HAVCR2: variants seen among roughly 807,000 people sequenced by gnomAD.
HAVCR2 encodes T cell immunoglobulin mucin 3.
In HAVCR2, 13 loss-of-function variants were observed where a neutral mutation model predicts 24.7. That is an observed-to-expected ratio of 0.53 (90% CI 0.34 to 0.84). The LOEUF (loss-of-function observed/expected upper bound fraction) is 0.84. HAVCR2 is among the 40% of genes least tolerant of loss of function. The pLI is 0.01. For missense variants in HAVCR2, 343 were observed against 371.2 expected, an observed-to-expected ratio of 0.92 and a Z score of 0.62; for synonymous variants, 154 against 143.4, an observed-to-expected ratio of 1.07 and a Z score of -0.53.
chr5:157,104,243 G>C (rs919744), intron 3 of HAVCR2, among the ~76,000 whole-genome samples: 126,874 of 152,086 alleles, frequency 0.83, 53,049 homozygotes, highest in East Asian at 0.99. Flanking sequence ...TCCAGGGAAG[G>C]TGATGGGCTT....
chr5:157,087,320 A>C, intron 6 of HAVCR2, 26 bp from the exon 7 acceptor site: 1 of 1,582,484 alleles, frequency 6.3e-7, no homozygotes, highest in Non-Finnish European at 8.6e-7. Flanking sequence ...GTTGCGGTTG[A>C]GTTAAGCATT....
intron 1 of HAVCR2, among the ~76,000 whole-genome samples, chr5:157,108,146 T>A (rs578087818): frequency 6.6e-6 from 1 of 152,208 alleles, no homozygotes; most frequent in South Asian, 2.1e-4. Context: ...TGTTTTCATA[T>A]GACTCAACTA....
intron 1 of HAVCR2, 39 bp downstream of exon 1, chr5:157,108,886 GC>G: frequency 6.3e-7 from 1 of 1,594,732 alleles, no homozygotes; most frequent in South Asian, 1.1e-5. Flanking sequence ...CCTCTGTACA[GC>G]ACCATTATGT....
At chr5:157,092,906 A>AG in intron 5 of HAVCR2, among the ~76,000 whole-genome samples, 1 of 115,902 alleles carries the variant, frequency 8.6e-6, no homozygotes, top group African/African-American at 3.3e-5. Context: ...AAAAAAAAAA[A>AG]AAAAAAAAAA....
In HAVCR2 at chr5:157,088,547, G is replaced by GCTGTTTA. The variant is rs1463480871; in HGVS notation, c.713+387_713+393dup. 3.3e-5 allele frequency among the ~76,000 whole-genome samples: 5 copies of GCTGTTTA among 152,276 alleles called. No individual in the cohort carries two copies. In the East Asian group the frequency reaches 9.6e-4, roughly 29 times the overall value. On this transcript the variant is annotated intron_variant, in intron 6 of 6. Transcript: ENST00000307851. ...GGAAACTAAAGTTGAAAATGCCTGG[G>GCTGTTTA]CTGTTTACAGAAATGCTGAGAACAG...
intron 5 of HAVCR2, among the ~76,000 whole-genome samples, chr5:157,090,501 G>A (rs1260564232): frequency 6.6e-6 from 1 of 152,128 alleles, no homozygotes; most frequent in African/African-American, 2.4e-5. Context: ...GGCTGAGGCA[G>A]GAGAGTTGCT....
chr5:157,091,809 G>A (rs1204627881), intron 5 of HAVCR2, among the ~76,000 whole-genome samples: 1 of 152,220 alleles, frequency 6.6e-6, no homozygotes, highest in African/African-American at 2.4e-5. Flanking sequence ...TAGGAGAGGG[G>A]CAAAGAAGTT....
At chr5:157,089,340 C>G (rs540970226) in intron 5 of HAVCR2, among the ~76,000 whole-genome samples, 137 of 152,164 alleles carry the variant, frequency 9.0e-4, no homozygotes, top group African/African-American at 3.2e-3. Context: ...GACCCAAGAC[C>G]AGCCTGACCA....
chr5:157,106,293 G>T (rs976008281), intron 2 of HAVCR2: 5 of 221,966 alleles, frequency 2.3e-5, no homozygotes, highest in African/African-American at 1.2e-4. Context: ...ACCATGCCTG[G>T]CTAATTTTTT....
chr5:157,096,263 G>C (rs1757093526), intron 4 of HAVCR2, among the ~76,000 whole-genome samples: 1 of 148,470 alleles, frequency 6.7e-6, no homozygotes, highest in Non-Finnish European at 1.5e-5. Flanking sequence ...TCCCAGCTCT[G>C]CCACTAAGGG....
intron 4 of HAVCR2, among the ~76,000 whole-genome samples, chr5:157,096,041 C>A (rs1400977797): frequency 6.6e-6 from 1 of 151,906 alleles, no homozygotes; most frequent in Non-Finnish European, 1.5e-5. Flanking sequence ...GCCTGGACAA[C>A]ATGGTGAAAC....
Position 157,086,819 on chromosome 5 carries a change from C to T in HAVCR2, c.*283G>A, listed in dbSNP as rs562057608. ...ATTTCCTGGAGCTCCAGAGACCCCA[C>T]GTCAAGAATTCCTAGTGTATATAAA... On this transcript the variant is annotated 3_prime_UTR_variant, in exon 7 of 7. Coordinates refer to ENST00000307851, the MANE Select transcript of HAVCR2 (RefSeq NM_032782.5). The T allele has an allele frequency of 1.8e-4, 58 of 322,414 alleles. No individual in the cohort carries two copies. Among genetic ancestry groups the T allele is most frequent in the East Asian group, 1.2e-3 (18 of 15,294 alleles). 20.0% of individuals were successfully genotyped at this position (322,414 alleles called of 1,614,324 possible). A position where few individuals can be genotyped will look rare whatever the true frequency, so the allele number is the denominator to read the frequency against.
At chr5:157,106,381 C>A in intron 2 of HAVCR2, 1 of 485,504 alleles carries the variant, frequency 2.1e-6, no homozygotes. Flanking sequence ...CCACCGGCCT[C>A]AGCCTCCCAA....
In HAVCR2 at chr5:157,105,224, C is replaced by G. The variant is rs1964377; in HGVS notation, c.395-475G>C. 9.9e-5 allele frequency among the ~76,000 whole-genome samples: 15 copies of G among 151,650 alleles called. No homozygotes were observed. In the South Asian group the frequency reaches 1.2e-3, roughly 13 times the overall value. On this transcript the variant is annotated intron_variant, in intron 2 of 6. Coordinates refer to ENST00000307851, the MANE Select transcript of HAVCR2 (RefSeq NM_032782.5). ...GGACTACAGGCATGTGCAACCACACCTGGCTAATTTTGTATTTTTAGTAGA... is the reference window on the plus strand; with the variant it reads ...GGACTACAGGCATGTGCAACCACACGTGGCTAATTTTGTATTTTTAGTAGA...
Position 157,108,281 on chromosome 5 carries a change from G to A in HAVCR2, c.58+645C>T, listed in dbSNP as rs542051922. Among the ~76,000 whole-genome samples the A allele has an allele frequency of 4.6e-5, 7 of 152,086 alleles. No individual in the cohort carries two copies. The East Asian group carries it at 1.4e-3, about 29-fold the overall frequency. ...GCAGATTACTTGAGGCCATGAGTTT[G>A]AGACCAGCCTGACCAACATGGTAAA... is the stretch of plus-strand genomic sequence containing the variant. On this transcript the variant is annotated intron_variant, in intron 1 of 6. Transcript: ENST00000307851.
At chr5:157,098,264 G>A (rs1048278648) in intron 4 of HAVCR2, among the ~76,000 whole-genome samples, 3 of 152,050 alleles carry the variant, frequency 2.0e-5, no homozygotes, top group Non-Finnish European at 2.9e-5. Flanking sequence ...AAAATTAGCC[G>A]GGTGTGGTGG....
At position 157,087,246 on chromosome 5, in the gene HAVCR2, T is replaced by C. The variant is rs1444229802; in HGVS notation, c.762A>G (p.Val254=). ...NLPPSGLANA[V]AEGIRSEENI... is the part of the protein sequence containing the mutation. ...TTTCTTCTGAGCGAATTCCCTCTGCTACTGCATTTGCCAATCCTGAGGGAG... is the reference window on the plus strand; with the variant it reads ...TTTCTTCTGAGCGAATTCCCTCTGCCACTGCATTTGCCAATCCTGAGGGAG... The change falls in exon 7 of 7, where the codon GTA becomes GTG. Residue 254 remains valine, a synonymous_variant. Transcript: ENST00000307851. 6.2e-7 allele frequency: 1 copy of C among 1,613,354 alleles called. No individual in the cohort carries two copies. The highest frequency in any genetic ancestry group is 8.5e-7 in the Non-Finnish European group (1 of 1,179,908).
At chr5:157,105,803 C>A (rs1330774477) in intron 2 of HAVCR2, among the ~76,000 whole-genome samples, 1 of 152,190 alleles carries the variant, frequency 6.6e-6, no homozygotes, top group Admixed American at 6.5e-5. Flanking sequence ...CTGAGGTAGA[C>A]TCTGTAAAAA....
In HAVCR2 at chr5:157,091,429, A is replaced by T. The variant is rs555815578; in HGVS notation, c.677-2452T>A. Among the ~76,000 whole-genome samples the T allele has an allele frequency of 1.2e-3, 175 of 152,062 alleles. 2 individuals are homozygous for T. In the South Asian group the frequency reaches 0.034, roughly 29 times the overall value. ...CCATTGCACTCCAGCCTAAGCAACA[A>T]GAGTGAAACTCTGTCTCAAAAAAAA... On this transcript the variant is annotated intron_variant, in intron 5 of 6. Coordinates refer to ENST00000307851, the MANE Select transcript of HAVCR2 (RefSeq NM_032782.5).
Sources: gnomAD v4.1 joint callset for allele counts (sites outside exome capture counted in the v4.1 genomes callset) on GRCh38, gnomAD v4.1.1 for gene constraint, MANE v1.5 for transcripts, NCBI Gene and HGNC (gene_info 2026-07-23, HGNC 2026-07-21) for gene names.